CCDC178: variants seen among roughly 807,000 people sequenced by gnomAD.
CCDC178 encodes the protein coiled-coil domain containing 178, also known as coiled-coil domain-containing protein 178.
In CCDC178, 126 loss-of-function variants were observed where a neutral mutation model predicts 117.4. The ratio of observed to expected loss-of-function variants is 1.07; its 90% CI spans 0.93 to 1.24. CCDC178 has a LOEUF of 1.24. Ranked by LOEUF, CCDC178 falls within the 50% of genes most tolerant of loss-of-function variation. CCDC178 has a pLI of 0.00. For missense variants in CCDC178, 1,030 were observed against 986.9 expected, an observed-to-expected ratio of 1.04 and a Z score of -0.59; for synonymous variants, 283 against 313.4, an observed-to-expected ratio of 0.90 and a Z score of 1.02.
At chr18:33,172,447 T>C (rs1229025684) in intron 20 of CCDC178, among the ~76,000 whole-genome samples, 1 of 151,952 alleles carries the variant, frequency 6.6e-6, no homozygotes, top group Non-Finnish European at 1.5e-5. Flanking sequence ...AAACAAAAAA[T>C]ACTTAAAGAT....
intron 21 of CCDC178, among the ~76,000 whole-genome samples, chr18:33,004,984 G>A (rs2055718282): frequency 1.3e-5 from 2 of 152,070 alleles, no homozygotes; most frequent in Non-Finnish European, 1.5e-5. Context: ...GCGAGGATAT[G>A]GAGAAAAGGG....
chr18:33,392,807 A>T (rs2063580872), intron 4 of CCDC178, among the ~76,000 whole-genome samples: 1 of 152,170 alleles, frequency 6.6e-6, no homozygotes, highest in African/African-American at 2.4e-5. Context: ...AGCTGCAGTG[A>T]GCCATGACTC....
At chr18:33,348,084 T>C (rs1204843965) in intron 8 of CCDC178, among the ~76,000 whole-genome samples, 2 of 152,044 alleles carry the variant, frequency 1.3e-5, no homozygotes, top group Non-Finnish European at 2.9e-5. Flanking sequence ...GCATTTGTTA[T>C]GTGAAAACTT....
chr18:33,156,368 G>A (rs183760219), intron 20 of CCDC178, among the ~76,000 whole-genome samples: 268 of 151,508 alleles, frequency 1.8e-3, no homozygotes, highest in African/African-American at 6.3e-3. Context: ...GATTACAGGT[G>A]TGAGCCACCG....
intron 11 of CCDC178, among the ~76,000 whole-genome samples, chr18:33,312,572 G>A (rs1719929601): frequency 6.6e-6 from 1 of 152,162 alleles, no homozygotes; most frequent in Non-Finnish European, 1.5e-5. Flanking sequence ...GGCCCACTGA[G>A]CCAGGTAGTG....
At chr18:32,958,968 A>G (rs2054649143) in intron 22 of CCDC178, among the ~76,000 whole-genome samples, 1 of 152,152 alleles carries the variant, frequency 6.6e-6, no homozygotes, top group South Asian at 2.1e-4. Context: ...CTGGACCCGT[A>G]ACTCAGCTCT....
chr18:33,125,136 C>T (rs575885241), intron 20 of CCDC178, among the ~76,000 whole-genome samples: 51 of 152,168 alleles, frequency 3.4e-4, no homozygotes, highest in African/African-American at 1.1e-3. Flanking sequence ...TGGCAGGCTT[C>T]AATATCTCAT....
chr18:33,026,570 C>T (rs138548964), intron 21 of CCDC178, among the ~76,000 whole-genome samples: 3 of 151,926 alleles, frequency 2.0e-5, no homozygotes, highest in Middle Eastern at 3.4e-3. Context: ...CTTAGATGTA[C>T]TAATACTATT....
intron 21 of CCDC178, among the ~76,000 whole-genome samples, chr18:33,070,250 T>C (rs969987509): frequency 2.0e-5 from 3 of 152,050 alleles, no homozygotes; most frequent in African/African-American, 7.2e-5. Context: ...GCAGTATTCA[T>C]AATAGCCAAG....
chr18:33,251,636 A>G (rs1379567529), intron 14 of CCDC178, among the ~76,000 whole-genome samples: 1 of 151,776 alleles, frequency 6.6e-6, no homozygotes, highest in Non-Finnish European at 1.5e-5. Flanking sequence ...TAGAAACAAG[A>G]TATTTTAATC....
chr18:33,139,202 C>T (rs896353541), intron 20 of CCDC178, among the ~76,000 whole-genome samples: 1 of 152,156 alleles, frequency 6.6e-6, no homozygotes, highest in Non-Finnish European at 1.5e-5. Flanking sequence ...GATTGTGAGG[C>T]CATGTGGAAA....
chr18:33,410,360 T>C (rs1046189463), intron 3 of CCDC178, among the ~76,000 whole-genome samples: 1 of 152,222 alleles, frequency 6.6e-6, no homozygotes, highest in African/African-American at 2.4e-5. Context: ...TCCATGTTAC[T>C]AATCTGAGAT....
chr18:33,006,518 T>C (rs1464840346), intron 21 of CCDC178, among the ~76,000 whole-genome samples: 1 of 152,128 alleles, frequency 6.6e-6, no homozygotes, highest in Non-Finnish European at 1.5e-5. Context: ...TATGTGTAGA[T>C]ACATTATCTC....
At chr18:33,125,560 G>T (rs902806655) in intron 20 of CCDC178, among the ~76,000 whole-genome samples, 1 of 152,124 alleles carries the variant, frequency 6.6e-6, no homozygotes, top group Non-Finnish European at 1.5e-5. Flanking sequence ...AAAATGCAGA[G>T]TTTATTCATT....
At chr18:33,229,721 TTTC>T (rs1330903471) in intron 15 of CCDC178, among the ~76,000 whole-genome samples, 3 of 152,140 alleles carry the variant, frequency 2.0e-5, no homozygotes, top group African/African-American at 7.2e-5. Flanking sequence ...ATGTGCCCCT[TTTC>T]TTGTAGGGCC....
chr18:32,974,891 G>A lies in CCDC178; in HGVS notation c.2389-210C>T, dbSNP rs138659028. Among the ~76,000 whole-genome samples the A allele has an allele frequency of 2.6e-3, 399 of 152,222 alleles. 2 individuals carry two copies. The highest frequency in any genetic ancestry group is 9.2e-3 in the African/African-American group (381 of 41,544). ...ACCAGTCACATCTGGCCGCCAGGAT[G>A]GGGGGTTAATTTTCTCTAAATGCCT... On this transcript the variant is annotated intron_variant, in intron 21 of 22. Transcript: ENST00000383096.
intron 20 of CCDC178, among the ~76,000 whole-genome samples, chr18:33,201,952 T>C (rs2058993998): frequency 1.3e-5 from 2 of 152,044 alleles, no homozygotes; most frequent in Non-Finnish European, 2.9e-5. Context: ...TCTTCAAATA[T>C]TTTCTACTTT....
At chr18:33,153,019 G>GAAA (rs11406493) in intron 20 of CCDC178, among the ~76,000 whole-genome samples, 1 of 146,228 alleles carries the variant, frequency 6.8e-6, no homozygotes, top group Non-Finnish European at 1.5e-5. Flanking sequence ...TTAGACTTGT[G>GAAA]AAAAAAAAAA....
intron 7 of CCDC178, among the ~76,000 whole-genome samples, chr18:33,353,747 C>T (rs890824479): frequency 2.0e-5 from 3 of 151,968 alleles, no homozygotes; most frequent in South Asian, 2.1e-4. Flanking sequence ...ATTTTGTGTT[C>T]ATTTGCATAA....
Sources: allele counts gnomAD v4.1 joint callset (sites outside exome capture counted in the v4.1 genomes callset), GRCh38; gene constraint gnomAD v4.1.1; transcripts MANE v1.5; gene names NCBI Gene and HGNC (gene_info 2026-07-23, HGNC 2026-07-21).